TTYH3: variants seen among roughly 807,000 people sequenced by gnomAD.
The protein encoded by TTYH3 is protein tweety homolog 3.
In TTYH3, 23 loss-of-function variants were observed where a neutral mutation model predicts 68.2. That is an observed-to-expected ratio of 0.34 (90% CI 0.24 to 0.48). TTYH3 has a LOEUF of 0.48. TTYH3 is among the 20% of genes least tolerant of loss of function. The probability of loss-of-function intolerance (pLI) is 0.99; values close to 1 mark genes in which losing one functional copy is unlikely to be tolerated. For missense variants in TTYH3, 768 were observed against 727.7 expected (o/e 1.06, Z -0.64); for synonymous variants, 360 against 332.8 (o/e 1.08, Z -0.89).
intron 1 of TTYH3, 39 bp downstream of exon 1, chr7:2,632,317 C>T (rs1172187805): frequency 6.6e-7 from 1 of 1,520,164 alleles, no homozygotes; most frequent in Non-Finnish European, 8.9e-7. Context: ...TCAGGGACCC[C>T]AGGTCACGGC....
rs1785721889 is a variant in TTYH3, at chr7:2,637,861, AG to A, written c.123+5584del. ...GTCTTGGGAGGCTGGCTGAGACCTG[AG>A]TCCTGTGGGGCAGCACCCACTGTGG... On this transcript the variant is annotated intron_variant, in intron 1 of 13. Transcript: ENST00000258796. 2.0e-5 allele frequency among the ~76,000 whole-genome samples: 3 copies of A among 152,248 alleles called. No individual in the cohort carries two copies. In the South Asian group the frequency reaches 6.2e-4, roughly 32 times the overall value.
At position 2,660,279 on chromosome 7, in the gene TTYH3, C is replaced by T. The variant is rs1279238521; in HGVS notation, c.1500+1264C>T. 4.1e-6 allele frequency: 4 copies of T among 985,248 alleles called. No individual in the cohort carries two copies. The African/African-American group carries it at 7.0e-5, about 17-fold the overall frequency. 61.0% of individuals were successfully genotyped at this position (985,248 alleles called of 1,614,324 possible). On this transcript the variant is annotated intron_variant, in intron 13 of 13. Coordinates refer to ENST00000258796, the MANE Select transcript of TTYH3 (RefSeq NM_025250.3). ...CTTCCAGGCTCCCCCTGCCCAGTTG[C>T]TTGGCCTCTGGGGACTCTGCCACAG...
chr7:2,653,085 AAC>A lies in TTYH3; in HGVS notation c.1020+79_1020+80del, dbSNP rs1176859042. 3 of 1,410,652 alleles carry A rather than the reference AAC, an allele frequency of 2.1e-6. No individual in the cohort carries two copies. The African/African-American group carries it at 4.3e-5, about 20-fold the overall frequency. The allele number at this position is 1,410,652 out of a possible 1,614,324, so 87.4% of individuals were successfully genotyped here. Reference sequence around the variant, plus strand: ...CAGCATGAAAGGAATTTGTGGTGCAAACACAGCTCAGGGCAAATTTGGAGAAG... The same window carrying A: ...CAGCATGAAAGGAATTTGTGGTGCAAACAGCTCAGGGCAAATTTGGAGAAG... On this transcript the variant is annotated intron_variant, in intron 9 of 13. Transcript: ENST00000258796.
chr7:2,659,043 G>A (rs376423898), intron 13 of TTYH3, 28 bp downstream of exon 13: 291 of 1,608,532 alleles, frequency 1.8e-4, no homozygotes, highest in Non-Finnish European at 2.3e-4. Flanking sequence ...AGGGTGGATG[G>A]GGGGCTGCTC....
At chr7:2,652,824 C>T (rs1462566118) in intron 8 of TTYH3, 94 bp from the exon 9 acceptor site, 30 of 985,272 alleles carry the variant, frequency 3.0e-5, no homozygotes, top group East Asian at 2.9e-4. Context: ...CCAGGCTGGA[C>T]GTCTTGCTGG....
chr7:2,645,646 C>T lies in TTYH3; in HGVS notation c.124-1207C>T, dbSNP rs1038834775. 1 of 391,782 alleles carries T rather than the reference C, an allele frequency of 2.6e-6. No homozygotes were observed. The highest frequency in any genetic ancestry group is 3.3e-5 in the Admixed American group (1 of 30,502). 24.3% of individuals were successfully genotyped at this position (391,782 alleles called of 1,614,324 possible). A position where few individuals can be genotyped will look rare whatever the true frequency, so the allele number is the denominator to read the frequency against. On this transcript the variant is annotated intron_variant, in intron 1 of 13. Coordinates refer to ENST00000258796, the MANE Select transcript of TTYH3 (RefSeq NM_025250.3). This position sits in a 1 kb window ranked among gnomAD's most constrained non-coding sequence, Gnocchi z 4.8. ...CAGCCTGTAGCAGTGTGGGGCCAGC[C>T]CCACCATCTCATCCAGCGTGGGGGC...
chr7:2,640,846 G>A (rs915201831), intron 1 of TTYH3, among the ~76,000 whole-genome samples: 4 of 152,268 alleles, frequency 2.6e-5, no homozygotes, highest in Admixed American at 2.6e-4. Context: ...TCCAAGCAGG[G>A]CTGGGTTGGG....
chr7:2,643,272 G>A (rs1035600068), intron 1 of TTYH3, among the ~76,000 whole-genome samples: 2 of 147,384 alleles, frequency 1.4e-5, no homozygotes, highest in African/African-American at 2.5e-5. Context: ...GGAGAATGGC[G>A]TGAACCCGGG....
intron 4 of TTYH3, 42 bp from the exon 5 acceptor site, chr7:2,647,917 C>T: frequency 6.3e-7 from 1 of 1,597,818 alleles, no homozygotes; most frequent in Admixed American, 1.7e-5. Flanking sequence ...CTCCCAGGCC[C>T]CGGGTCCCTG....
intron 13 of TTYH3, chr7:2,659,907 C>T (rs1465126461): frequency 2.3e-6 from 3 of 1,295,352 alleles, no homozygotes; most frequent in Non-Finnish European, 3.0e-6. Flanking sequence ...CTCTCTCTCT[C>T]TCTTGCACCC....
chr7:2,633,784 G>A (rs570907788), intron 1 of TTYH3, among the ~76,000 whole-genome samples: 2 of 152,242 alleles, frequency 1.3e-5, no homozygotes, highest in Non-Finnish European at 1.5e-5. Flanking sequence ...CGTGGGGGGC[G>A]GCTGTTTCCT....
intron 3 of TTYH3, 67 bp from the exon 4 acceptor site, chr7:2,647,351 A>T: frequency 5.4e-6 from 8 of 1,490,950 alleles, no homozygotes; most frequent in Non-Finnish European, 7.1e-6. Flanking sequence ...GGGGCTGTGC[A>T]GGAGGGGCCC....
Position 2,662,172 on chromosome 7 carries a change from T to A in TTYH3, c.*433T>A. 1 of 307,356 alleles carries A rather than the reference T, an allele frequency of 3.3e-6. No individual in the cohort carries two copies. Among genetic ancestry groups the A allele is most frequent in the Non-Finnish European group, 6.2e-6 (1 of 160,932 alleles). The allele number at this position is 307,356 out of a possible 1,614,324, so 19.0% of individuals were successfully genotyped here. ...GCTGGGGCCGCTCTGTGCTGGCGCC[T>A]GCTGGCCACTGAGGGACAGGGACAC... On this transcript the variant is annotated 3_prime_UTR_variant, in exon 14 of 14. Coordinates refer to ENST00000258796, the MANE Select transcript of TTYH3 (RefSeq NM_025250.3).
intron 7 of TTYH3, among the ~76,000 whole-genome samples, chr7:2,651,943 T>C (rs1786190497): frequency 6.6e-6 from 1 of 151,812 alleles, no homozygotes. Flanking sequence ...CATGCACACA[T>C]ATAAACACAC....
chr7:2,641,363 C>A (rs1330520387), intron 1 of TTYH3, among the ~76,000 whole-genome samples: 1 of 151,446 alleles, frequency 6.6e-6, no homozygotes, highest in Non-Finnish European at 1.5e-5. Context: ...CCCATGGATG[C>A]CGTCTGTGGC....
At chr7:2,632,313 AC>A in intron 1 of TTYH3, 35 bp downstream of exon 1, 2 of 1,519,166 alleles carry the variant, frequency 1.3e-6, no homozygotes, top group South Asian at 2.4e-5. Context: ...GGGGTCAGGG[AC>A]CCCAGGTCAC....
At chr7:2,651,564 C>T (rs77714539) in intron 7 of TTYH3, among the ~76,000 whole-genome samples, 4,755 of 152,222 alleles carry the variant, frequency 0.031, 280 homozygotes, top group African/African-American at 0.11. Context: ...GTATGAGCAG[C>T]GCCCCCTACA....
At chr7:2,661,247 C>T (rs748011240) in intron 13 of TTYH3, among the ~76,000 whole-genome samples, 19 of 152,194 alleles carry the variant, frequency 1.2e-4, no homozygotes, top group South Asian at 2.1e-4. Context: ...GGCCTTGGCC[C>T]GGCCCTGGAG....
chr7:2,649,678 C>A, intron 6 of TTYH3, 39 bp downstream of exon 6: 1 of 1,573,316 alleles, frequency 6.4e-7, no homozygotes, highest in Non-Finnish European at 8.6e-7. Flanking sequence ...GCTGCTGGAC[C>A]TGGGCACTGG....
Sources: allele counts gnomAD v4.1 joint callset (sites outside exome capture counted in the v4.1 genomes callset), GRCh38; gene constraint gnomAD v4.1.1; non-coding constraint Gnocchi (gnomAD v3.1); transcripts MANE v1.5; gene names NCBI Gene and HGNC (gene_info 2026-07-23, HGNC 2026-07-21).